Variants in RAB28 observed in about 807,000 individuals in gnomAD.
The protein encoded by RAB28 is RAB28, member RAS oncogene family, also known as ras-related protein Rab-28.
In RAB28, 24 loss-of-function variants were observed where a neutral mutation model predicts 31.7. That is an observed-to-expected ratio of 0.76 (90% CI 0.55 to 1.06). The LOEUF (loss-of-function observed/expected upper bound fraction) is 1.06, where lower values mean the gene tolerates loss of function less well. Ranked by LOEUF, RAB28 falls within the 50% of genes least tolerant of loss-of-function variation. The probability of loss-of-function intolerance (pLI) is 0.00; values close to 1 mark genes in which losing one functional copy is unlikely to be tolerated. For missense variants in RAB28, 254 were observed against 258.5 expected (o/e 0.98, Z 0.12); for synonymous variants, 100 against 90.4 (o/e 1.11, Z -0.60).
intron 4 of RAB28, among the ~76,000 whole-genome samples, chr4:13,409,372 A>G (rs1475792252): frequency 1.3e-5 from 2 of 152,240 alleles, no homozygotes; most frequent in African/African-American, 4.8e-5. Context: ...TGTCTATAGC[A>G]TAACGTAAAA....
chr4:13,382,538 A>T (rs1729175041), intron 4 of RAB28, among the ~76,000 whole-genome samples: 1 of 152,098 alleles, frequency 6.6e-6, no homozygotes, highest in Admixed American at 6.6e-5. Flanking sequence ...ATTATCAACT[A>T]AAAAATGCAC....
At chr4:13,435,297 C>G (rs1714038131) in intron 4 of RAB28, among the ~76,000 whole-genome samples, 1 of 151,822 alleles carries the variant, frequency 6.6e-6, no homozygotes, top group Non-Finnish European at 1.5e-5. Flanking sequence ...AATTAACCAA[C>G]TAATGTCACA....
intron 4 of RAB28, among the ~76,000 whole-genome samples, chr4:13,440,414 T>C (rs1387840790): frequency 6.6e-6 from 1 of 152,162 alleles, no homozygotes; most frequent in Non-Finnish European, 1.5e-5. Flanking sequence ...ACAGCATCTG[T>C]ATTTGATTCT....
chr4:13,415,426 G>A (rs1712703218), intron 4 of RAB28, among the ~76,000 whole-genome samples: 1 of 152,198 alleles, frequency 6.6e-6, no homozygotes, highest in Non-Finnish European at 1.5e-5. Context: ...AACCGGGGCT[G>A]CGCGGTGCTT....
At chr4:13,438,213 A>G (rs1714231449) in intron 4 of RAB28, among the ~76,000 whole-genome samples, 1 of 152,216 alleles carries the variant, frequency 6.6e-6, no homozygotes, top group Non-Finnish European at 1.5e-5. Flanking sequence ...TCACCCTATA[A>G]GACTATAAAC....
At chr4:13,379,427 G>T (rs576171197) in intron 5 of RAB28, among the ~76,000 whole-genome samples, 25 of 152,078 alleles carry the variant, frequency 1.6e-4, no homozygotes, top group Non-Finnish European at 2.5e-4. Flanking sequence ...TTAAGGTTTA[G>T]CCAAGCGGAT....
chr4:13,465,896 TAG>T (rs1455078569), intron 3 of RAB28, among the ~76,000 whole-genome samples: 1 of 151,428 alleles, frequency 6.6e-6, no homozygotes, highest in Non-Finnish European at 1.5e-5. Flanking sequence ...AGAACATAAT[TAG>T]AGAGTCCAGA....
chr4:13,463,552 T>C (rs764474457), intron 3 of RAB28, among the ~76,000 whole-genome samples: 6 of 152,126 alleles, frequency 3.9e-5, no homozygotes, highest in Non-Finnish European at 8.8e-5. Context: ...GCATAAAATA[T>C]TTACTATCTA....
intron 4 of RAB28, among the ~76,000 whole-genome samples, chr4:13,385,282 A>T (rs1729317288): frequency 6.6e-6 from 1 of 152,204 alleles, no homozygotes; most frequent in African/African-American, 2.4e-5. Flanking sequence ...ACATATTTCA[A>T]GATATCATCC....
intron 6 of RAB28, 94 bp from the exon 7 acceptor site, chr4:13,368,744 C>T (rs1003904905): frequency 8.9e-6 from 9 of 1,010,480 alleles, no homozygotes; most frequent in Non-Finnish European, 1.3e-5. Context: ...CTTTGCTGAA[C>T]TTCTGATGAT....
chr4:13,451,343 T>A (rs1303992216), intron 4 of RAB28, among the ~76,000 whole-genome samples: 3 of 151,816 alleles, frequency 2.0e-5, no homozygotes, highest in East Asian at 3.9e-4. Flanking sequence ...TTTTGAAAAA[T>A]GTCTGTTCAG....
intron 4 of RAB28, among the ~76,000 whole-genome samples, chr4:13,437,450 C>T (rs1714184335): frequency 6.6e-6 from 1 of 151,932 alleles, no homozygotes; most frequent in Non-Finnish European, 1.5e-5. Flanking sequence ...AGAGAAAATA[C>T]CTGCAAACTA....
intron 4 of RAB28, among the ~76,000 whole-genome samples, chr4:13,448,749 T>C (rs1714822464): frequency 6.6e-6 from 1 of 152,042 alleles, no homozygotes; most frequent in Non-Finnish European, 1.5e-5. Flanking sequence ...GTCCTTAAAA[T>C]ACAATAAGGA....
chr4:13,380,621 A>G (rs1213860151), intron 5 of RAB28, among the ~76,000 whole-genome samples: 1 of 152,134 alleles, frequency 6.6e-6, no homozygotes, highest in Non-Finnish European at 1.5e-5. Flanking sequence ...AAATAAATAC[A>G]TAGATAAATC....
At chr4:13,393,134 G>A (rs1407378142) in intron 4 of RAB28, among the ~76,000 whole-genome samples, 1 of 152,180 alleles carries the variant, frequency 6.6e-6, no homozygotes, top group Non-Finnish European at 1.5e-5. Flanking sequence ...AATCATGAGA[G>A]TAACAAAGAT....
At chr4:13,397,748 C>A (rs1711514847) in intron 4 of RAB28, among the ~76,000 whole-genome samples, 1 of 152,096 alleles carries the variant, frequency 6.6e-6, no homozygotes. Flanking sequence ...ATTTTCTCTA[C>A]AATTATTATC....
chr4:13,418,381 CA>C (rs1712920569), intron 4 of RAB28, among the ~76,000 whole-genome samples: 1 of 152,098 alleles, frequency 6.6e-6, no homozygotes, highest in Admixed American at 6.5e-5. Context: ...GGCCAACATT[CA>C]AAATCAGGAA....
At chr4:13,471,345 T>G (rs1489130934) in intron 3 of RAB28, among the ~76,000 whole-genome samples, 1 of 152,076 alleles carries the variant, frequency 6.6e-6, no homozygotes, top group Non-Finnish European at 1.5e-5. Flanking sequence ...TTTCTCCAAT[T>G]TATAGTAGTA....
At chr4:13,470,761 T>C (rs1280234863) in intron 3 of RAB28, among the ~76,000 whole-genome samples, 2 of 152,086 alleles carry the variant, frequency 1.3e-5, no homozygotes, top group Non-Finnish European at 2.9e-5. Context: ...TTAAGTTAAT[T>C]TAAAATCTGG....
Sources: gnomAD v4.1 joint callset for allele counts (sites outside exome capture counted in the v4.1 genomes callset) on GRCh38, gnomAD v4.1.1 for gene constraint, MANE v1.5 for transcripts, NCBI Gene and HGNC (gene_info 2026-07-23, HGNC 2026-07-21) for gene names.